DHX8: variants seen among roughly 807,000 people sequenced by gnomAD.
The protein encoded by DHX8 is ATP-dependent RNA helicase DHX8.
DHX8 carries 67 observed loss-of-function variants against 140.7 expected under a neutral mutation model. The observed-to-expected ratio is 0.48, with a 90% CI of 0.39 to 0.58. DHX8 has a LOEUF of 0.58. DHX8 is among the 20% of genes least tolerant of loss of function. The probability of loss-of-function intolerance (pLI) is 0.00; values close to 1 mark genes in which losing one functional copy is unlikely to be tolerated. For missense variants in DHX8, 887 were observed against 1,550.7 expected (o/e 0.57, Z 7.19); for synonymous variants, 533 against 553.2 (o/e 0.96, Z 0.51).
At chr17:43,517,050 T>C in intron 17 of DHX8, 117 bp from the exon 18 acceptor site, 1 of 1,119,914 alleles carries the variant, frequency 8.9e-7, no homozygotes, top group Non-Finnish European at 1.2e-6. Flanking sequence ...GGAAGTGAAA[T>C]CAACCCCATT....
Position 43,499,964 on chromosome 17 carries a change from C to T in DHX8, c.1407C>T (p.Asp469=), listed in dbSNP as rs752990173. ...TTCTTCTGTTGCACCAGAACCCAGA[C>T]GGCTCCCTCTCCCAAGCAGCAATGA... ...MSPIKIVKNP[D]GSLSQAAMMQ... The change falls in exon 11 of 23, where the codon GAC becomes GAT. Residue 469 remains aspartate (D), a synonymous_variant. Coordinates refer to ENST00000262415, the MANE Select transcript of DHX8 (RefSeq NM_004941.3). The T allele has an allele frequency of 3.0e-5, 49 of 1,613,808 alleles. No homozygotes were observed. Among genetic ancestry groups the T allele is most frequent in the Non-Finnish European group, 3.9e-5 (46 of 1,179,952 alleles).
At chr17:43,509,976 GTATTTT>G (rs1289059566) in intron 16 of DHX8, among the ~76,000 whole-genome samples, 31 of 151,366 alleles carry the variant, frequency 2.0e-4, no homozygotes, top group African/African-American at 7.0e-4. Flanking sequence ...GCCAATTTTT[GTATTTT>G]TTTTGTAGAA....
At chr17:43,485,129 C>T (rs1707619889) in intron 1 of DHX8, among the ~76,000 whole-genome samples, 1 of 152,164 alleles carries the variant, frequency 6.6e-6, no homozygotes, top group Non-Finnish European at 1.5e-5. Flanking sequence ...GTACGTACAG[C>T]AAGGCTTCTT....
chr17:43,525,743 T>C, downstream of DHX8: 1 of 984,892 alleles, frequency 1.0e-6, no homozygotes, highest in Non-Finnish European at 1.2e-6. Flanking sequence ...TAGCTGGGAC[T>C]ACAGGTGCAT....
At chr17:43,494,464 G>A (rs1475095255) in intron 8 of DHX8, among the ~76,000 whole-genome samples, 2 of 152,120 alleles carry the variant, frequency 1.3e-5, no homozygotes, top group African/African-American at 4.8e-5. Context: ...GCTCACACGT[G>A]TAATCCCAGC....
intron 2 of DHX8, among the ~76,000 whole-genome samples, chr17:43,534,292 C>T (rs189493785): frequency 7.9e-5 from 12 of 151,370 alleles, no homozygotes; most frequent in Admixed American, 2.6e-4. Flanking sequence ...GAGTCCAAGA[C>T]CAGCCTGGCC....
intron 16 of DHX8, among the ~76,000 whole-genome samples, chr17:43,510,064 T>TG (rs2068112129): frequency 1.3e-5 from 2 of 151,916 alleles, no homozygotes; most frequent in African/African-American, 2.4e-5. Context: ...TTTGTTTGTT[T>TG]TGAGATGGAG....
chr17:43,523,859 G>A lies in DHX8; in HGVS notation c.*12G>A. 1 of 1,613,988 alleles carries A rather than the reference G, an allele frequency of 6.2e-7. No homozygotes were observed. Among genetic ancestry groups the A allele is most frequent in the Non-Finnish European group, 8.5e-7 (1 of 1,179,918 alleles). ...TCCGACGGCGCTGAAAGGCAAGATTGTTCCTTTGCCTCTCCAGCAGCAGTA... is the reference window on the plus strand; with the variant it reads ...TCCGACGGCGCTGAAAGGCAAGATTATTCCTTTGCCTCTCCAGCAGCAGTA... On this transcript the variant is annotated 3_prime_UTR_variant, in exon 23 of 23. Transcript: ENST00000262415.
At chr17:43,515,184 CT>C (rs969389077) in intron 17 of DHX8, among the ~76,000 whole-genome samples, 8 of 152,102 alleles carry the variant, frequency 5.3e-5, no homozygotes, top group Admixed American at 2.0e-4. Context: ...ATAGCTAACA[CT>C]TTTTGTTTTG....
intron 3 of DHX8, among the ~76,000 whole-genome samples, chr17:43,539,957 G>A (rs1422342796): frequency 1.3e-5 from 2 of 152,178 alleles, no homozygotes; most frequent in African/African-American, 4.8e-5. Flanking sequence ...CAAGCCACCA[G>A]CAGCTAAACG....
chr17:43,492,626 C>A, intron 5 of DHX8, 55 bp from the exon 6 acceptor site: 1 of 1,078,690 alleles, frequency 9.3e-7, no homozygotes, highest in Non-Finnish European at 1.4e-6. Context: ...CTTGGGGATG[C>A]GAAGATGAAA....
chr17:43,484,047 G>C lies in DHX8; in HGVS notation c.10G>C (p.Ala4Pro). Reference protein sequence around the residue: MAVAVAMAGALIGS... With the variant: MAVPVAMAGALIGS... ...TGGGCAAGCTATAGCCATGGCTGTG[G>C]CTGTAGCCATGGCGGGAGCCTTAAT... The change falls in exon 1 of 23, where the codon GCT becomes CCT. Residue 4 changes from alanine (A) to proline (P), a missense_variant. Ala to Pro is a conservative substitution (Grantham distance 27, BLOSUM62 -1). Coordinates refer to ENST00000262415, the MANE Select transcript of DHX8 (RefSeq NM_004941.3). 1 of 1,614,022 alleles carries C rather than the reference G, an allele frequency of 6.2e-7. No homozygotes were observed. The highest frequency in any genetic ancestry group is 1.1e-5 in the South Asian group (1 of 91,072).
chr17:43,529,309 G>A (rs1970762456), downstream of DHX8: 1 of 1,494,636 alleles, frequency 6.7e-7, no homozygotes, highest in Admixed American at 1.7e-5. Flanking sequence ...GTCAGAAAGA[G>A]CACTTGAGAT....
In DHX8 at chr17:43,504,836, T is replaced by C; in HGVS notation, c.1728+11T>C. 6.2e-7 allele frequency: 1 copy of C among 1,609,156 alleles called. No individual in the cohort carries two copies. Among genetic ancestry groups the C allele is most frequent in the Non-Finnish European group, 8.5e-7 (1 of 1,177,832 alleles). ...GAGCAATTGGTCCAGGTGAGAAGAC[T>C]TTTATGATGTATTGGTGGGGAGTAG... On this transcript the variant is annotated intron_variant, in intron 12 of 22. Transcript: ENST00000262415.
downstream of DHX8, chr17:43,526,329 GC>G: frequency 7.0e-7 from 1 of 1,433,102 alleles, no homozygotes; most frequent in Non-Finnish European, 9.1e-7. Context: ...CGAGAACCAA[GC>G]TCAGGAGTTG....
intron 3 of DHX8, among the ~76,000 whole-genome samples, chr17:43,540,369 C>T (rs1971460829): frequency 6.6e-6 from 1 of 152,196 alleles, no homozygotes; most frequent in Non-Finnish European, 1.5e-5. Context: ...AGGAGAATCG[C>T]TTGAACCCAG....
downstream of DHX8, chr17:43,526,330 C>T (rs1970615401): frequency 2.1e-6 from 3 of 1,433,078 alleles, no homozygotes; most frequent in African/African-American, 4.3e-5. Context: ...GAGAACCAAG[C>T]TCAGGAGTTG....
intron 10 of DHX8, 134 bp from the exon 11 acceptor site, chr17:43,499,822 C>A: frequency 5.2e-6 from 5 of 959,768 alleles, no homozygotes; most frequent in Non-Finnish European, 7.9e-6. Flanking sequence ...TTATCCATTT[C>A]TTTCATATAG....
At chr17:43,528,361 T>A (rs1443082984), downstream of DHX8, 1 of 544,196 alleles carries the variant, frequency 1.8e-6, no homozygotes, top group Admixed American at 3.2e-5. Context: ...ATGACTCCGG[T>A]GAGCAGCTCA....
Sources: allele counts gnomAD v4.1 joint callset (sites outside exome capture counted in the v4.1 genomes callset), GRCh38; gene constraint gnomAD v4.1.1; transcripts MANE v1.5; gene names NCBI Gene and HGNC (gene_info 2026-07-23, HGNC 2026-07-21).